CCDC85A: variants seen among roughly 807,000 people sequenced by gnomAD.
The protein encoded by CCDC85A is coiled-coil domain containing 85A, also known as coiled-coil domain-containing protein 85A.
In CCDC85A, 38 loss-of-function variants were observed where a neutral mutation model predicts 50.2. The observed-to-expected ratio is 0.76, with a 90% confidence interval of 0.58 to 0.99. The LOEUF (loss-of-function observed/expected upper bound fraction) is 0.99, where lower values mean the gene tolerates loss of function less well. Among genes scored for constraint, CCDC85A ranks in the 50% least tolerant of loss-of-function variants. The pLI is 0.00. For synonymous variants in CCDC85A, 366 were observed against 301.4 expected (o/e 1.21, Z -2.22); for missense variants, 820 against 742.0 (o/e 1.11, Z -1.22).
intron 3 of CCDC85A, among the ~76,000 whole-genome samples, chr2:56,348,581 G>C (rs981869347): frequency 6.6e-6 from 1 of 152,202 alleles, no homozygotes; most frequent in East Asian, 1.9e-4. Flanking sequence ...GTGGTTGCCA[G>C]AGCAGTCTCT....
chr2:56,220,983 C>A (rs1302781111), intron 2 of CCDC85A, among the ~76,000 whole-genome samples: 1 of 152,010 alleles, frequency 6.6e-6, no homozygotes, highest in Non-Finnish European at 1.5e-5. Context: ...CCCGTCAGTA[C>A]CACATTTGGC....
At chr2:56,368,075 G>T (rs76019122) in intron 3 of CCDC85A, among the ~76,000 whole-genome samples, 4,440 of 152,074 alleles carry the variant, frequency 0.029, 188 homozygotes, top group African/African-American at 0.099. Flanking sequence ...ACAAAAATTC[G>T]TTGGAATAGG....
intron 2 of CCDC85A, among the ~76,000 whole-genome samples, chr2:56,265,595 A>G (rs908654086): frequency 1.3e-5 from 2 of 152,242 alleles, no homozygotes; most frequent in African/African-American, 4.8e-5. Flanking sequence ...CCACAGTGAG[A>G]TATCACCTCA....
chr2:56,348,024 T>G (rs1262353446), intron 3 of CCDC85A, among the ~76,000 whole-genome samples: 6 of 152,196 alleles, frequency 3.9e-5, no homozygotes, highest in Non-Finnish European at 8.8e-5. Context: ...ACTATTCACA[T>G]GTAATGCTGA....
intron 3 of CCDC85A, among the ~76,000 whole-genome samples, chr2:56,363,898 C>A (rs1209169709): frequency 6.6e-6 from 1 of 152,190 alleles, no homozygotes; most frequent in East Asian, 1.9e-4. Flanking sequence ...CCTTTTCTCC[C>A]TTTTAAAAAA....
At chr2:56,299,283 A>G (rs1055201112) in intron 2 of CCDC85A, among the ~76,000 whole-genome samples, 1 of 152,156 alleles carries the variant, frequency 6.6e-6, no homozygotes, top group Non-Finnish European at 1.5e-5. Flanking sequence ...GACATCTTTA[A>G]TGAGAGAAGA....
intron 2 of CCDC85A, among the ~76,000 whole-genome samples, chr2:56,271,857 C>A (rs569859193): frequency 2.0e-4 from 31 of 152,196 alleles, no homozygotes; most frequent in African/African-American, 7.0e-4. Flanking sequence ...AGCTTTCTGT[C>A]CCTGTCTTTG....
intron 2 of CCDC85A, among the ~76,000 whole-genome samples, chr2:56,219,852 A>G (rs1460486346): frequency 6.6e-6 from 1 of 152,010 alleles, no homozygotes; most frequent in Non-Finnish European, 1.5e-5. Context: ...TGGAGCAGAT[A>G]AAACTTAGAC....
chr2:56,376,153 CGTTTT>C (rs1195702867), intron 5 of CCDC85A, among the ~76,000 whole-genome samples: 1 of 133,080 alleles, frequency 7.5e-6, no homozygotes, highest in Non-Finnish European at 1.6e-5. Context: ...CTAGTTTTAT[CGTTTT>C]GTTTTGAGAA....
At chr2:56,269,771 T>A (rs1242184392) in intron 2 of CCDC85A, among the ~76,000 whole-genome samples, 1 of 152,182 alleles carries the variant, frequency 6.6e-6, no homozygotes, top group Non-Finnish European at 1.5e-5. Context: ...AAGTGAGCAT[T>A]TGCAAATATT....
intron 3 of CCDC85A, 94 bp from the exon 4 acceptor site, chr2:56,372,250 T>C (rs1351917884): frequency 1.6e-6 from 2 of 1,284,588 alleles, no homozygotes; most frequent in Non-Finnish European, 2.1e-6. Context: ...GTCATTGTGG[T>C]TCATCTCATT....
intron 3 of CCDC85A, among the ~76,000 whole-genome samples, chr2:56,358,847 C>T (rs184108523): frequency 7.3e-4 from 111 of 151,822 alleles, no homozygotes; most frequent in African/African-American, 2.5e-3. Flanking sequence ...TACAGTGGCA[C>T]GATCTTGGCT....
intron 3 of CCDC85A, among the ~76,000 whole-genome samples, chr2:56,368,850 A>G (rs774873047): frequency 2.2e-4 from 33 of 152,106 alleles, no homozygotes; most frequent in South Asian, 6.2e-4. Flanking sequence ...ATATATGTAT[A>G]TGTATATATT....
At chr2:56,185,430 C>G (rs568866599) in intron 1 of CCDC85A, among the ~76,000 whole-genome samples, 57 of 152,252 alleles carry the variant, frequency 3.7e-4, no homozygotes, top group African/African-American at 1.4e-3. Context: ...TCTTGTGTCA[C>G]CGGGTACATA....
At chr2:56,272,725 G>A (rs1324207653) in intron 2 of CCDC85A, among the ~76,000 whole-genome samples, 3 of 152,136 alleles carry the variant, frequency 2.0e-5, no homozygotes, top group Non-Finnish European at 4.4e-5. Flanking sequence ...TGGATAAAAA[G>A]TTTTCCAAAT....
At chr2:56,380,425 T>C (rs1372090792) in intron 5 of CCDC85A, among the ~76,000 whole-genome samples, 1 of 152,060 alleles carries the variant, frequency 6.6e-6, no homozygotes, top group Admixed American at 6.6e-5. Context: ...CCAGGCACAG[T>C]AGCACACACC....
At chr2:56,226,599 G>A (rs149060794) in intron 2 of CCDC85A, among the ~76,000 whole-genome samples, 107 of 151,586 alleles carry the variant, frequency 7.1e-4, no homozygotes, top group Non-Finnish European at 9.9e-4. Flanking sequence ...CAATTCCTGC[G>A]TTTTAGCTTC....
intron 5 of CCDC85A, among the ~76,000 whole-genome samples, chr2:56,377,759 G>T (rs1676403949): frequency 1.3e-5 from 2 of 152,092 alleles, no homozygotes; most frequent in Non-Finnish European, 2.9e-5. Flanking sequence ...GTGGTGGCAG[G>T]CACCTGTAAT....
intron 2 of CCDC85A, among the ~76,000 whole-genome samples, chr2:56,224,129 C>T (rs1480700336): frequency 2.0e-5 from 3 of 152,120 alleles, no homozygotes; most frequent in African/African-American, 7.2e-5. Context: ...TCCAATCTTC[C>T]CTCACAATCT....
Sources: allele counts gnomAD v4.1 joint callset (sites outside exome capture counted in the v4.1 genomes callset), GRCh38; gene constraint gnomAD v4.1.1; transcripts MANE v1.5; gene names NCBI Gene and HGNC (gene_info 2026-07-23, HGNC 2026-07-21).